TENT2: variants seen among roughly 807,000 people sequenced by gnomAD.
TENT2 encodes poly(A) RNA polymerase GLD2.
Under a neutral mutation model 72.2 loss-of-function variants are expected in TENT2, and 44 were observed. The ratio of observed to expected loss-of-function variants is 0.61; its 90% CI spans 0.48 to 0.78. The LOEUF is 0.78. TENT2 is among the 30% of genes least tolerant of loss of function. The pLI, the probability that TENT2 is intolerant of heterozygous loss-of-function variation, is 0.00. For missense variants in TENT2, 541 were observed against 569.6 expected (o/e 0.95, Z 0.51); for synonymous variants, 212 against 192.5 (o/e 1.10, Z -0.84).
At chr5:79,663,917 G>A (rs12659161) in intron 11 of TENT2, among the ~76,000 whole-genome samples, 66,594 of 151,864 alleles carry the variant, frequency 0.44, 17,756 homozygotes, top group African/African-American at 0.74. Context: ...TATATATACA[G>A]TGGGCGCTCT....
chr5:79,640,702 A>G (rs1370310007), intron 4 of TENT2, 149 bp from the exon 5 acceptor site: 1 of 494,358 alleles, frequency 2.0e-6, no homozygotes, highest in East Asian at 3.4e-5. Flanking sequence ...GTACTTGAGT[A>G]ATAGTAGCTT....
intron 1 of TENT2, chr5:79,615,158 CTCA>C (rs1758633282): frequency 6.6e-6 from 1 of 152,168 alleles, no homozygotes; most frequent in South Asian, 2.1e-4. Flanking sequence ...TGGCTGTGGA[CTCA>C]ATCTAAGTTT....
At chr5:79,670,077 G>A (rs918858477) in intron 12 of TENT2, among the ~76,000 whole-genome samples, 2 of 151,644 alleles carry the variant, frequency 1.3e-5, no homozygotes, top group Non-Finnish European at 2.9e-5. Flanking sequence ...AAATTAGCTG[G>A]GCATGGTGGT....
At chr5:79,626,575 G>A (rs1044786191) in intron 4 of TENT2, among the ~76,000 whole-genome samples, 6 of 151,458 alleles carry the variant, frequency 4.0e-5, no homozygotes, top group Non-Finnish European at 7.4e-5. Context: ...CCAAAGTGCT[G>A]GAATTACAGG....
chr5:79,665,123 A>G (rs979416061), intron 11 of TENT2, among the ~76,000 whole-genome samples: 6 of 152,188 alleles, frequency 3.9e-5, no homozygotes, highest in African/African-American at 1.4e-4. Flanking sequence ...CTTTGCAGAA[A>G]CTTCAAGGTA....
rs1798423669 is a variant in TENT2 at position 79,657,009 on chromosome 5, T to C, written c.1071+8T>C. Reference sequence around the variant, plus strand: ...CTCCAAAAAATTTACCCAGTAAGTGTTTCTTATAAATTATTATAATACATT... The same window carrying C: ...CTCCAAAAAATTTACCCAGTAAGTGCTTCTTATAAATTATTATAATACATT... On this transcript the variant is annotated splice_region_variant and intron_variant, in intron 11 of 14. Transcript: ENST00000453514. The C allele has an allele frequency of 1.9e-6, 3 of 1,555,708 alleles. No homozygotes were observed. The highest frequency in any genetic ancestry group is 1.8e-6 in the Non-Finnish European group (2 of 1,129,046).
At chr5:79,671,202 A>G (rs1177567382) in intron 12 of TENT2, among the ~76,000 whole-genome samples, 1 of 152,172 alleles carries the variant, frequency 6.6e-6, no homozygotes, top group Non-Finnish European at 1.5e-5. Flanking sequence ...ATGCTTGGAA[A>G]GAGGTTTCAG....
At chr5:79,665,324 C>T (rs1806582519) in intron 11 of TENT2, among the ~76,000 whole-genome samples, 1 of 152,136 alleles carries the variant, frequency 6.6e-6, no homozygotes, top group Admixed American at 6.5e-5. Flanking sequence ...TTAAGCCTTT[C>T]ATCATTTAAA....
chr5:79,630,123 G>A (rs1439945921), intron 4 of TENT2, among the ~76,000 whole-genome samples: 1 of 151,884 alleles, frequency 6.6e-6, no homozygotes, highest in Non-Finnish European at 1.5e-5. Flanking sequence ...TGACAGAGCA[G>A]GACTCCGTCT....
At chr5:79,652,776 T>G (rs1303120203) in intron 10 of TENT2, among the ~76,000 whole-genome samples, 3 of 152,120 alleles carry the variant, frequency 2.0e-5, no homozygotes, top group Admixed American at 2.0e-4. Flanking sequence ...GATAATACTT[T>G]GTGTCATTAA....
Position 79,641,271 on chromosome 5 carries a change from A to AG in TENT2, c.672+78dup, listed in dbSNP as rs910813636. On this transcript the variant is annotated intron_variant, in intron 6 of 14. Transcript: ENST00000453514. ...AAGAAATTTTACATAAAAGTCATTG[A>AG]GGGAAAAAACTTGCTTTGTTGTGAT... 6.2e-5 allele frequency: 81 copies of AG among 1,314,710 alleles called. 1 individual carries two copies. The highest frequency in any genetic ancestry group is 7.6e-5 in the Non-Finnish European group (73 of 966,314). 81.4% of individuals were successfully genotyped at this position (1,314,710 alleles called of 1,614,324 possible).
Position 79,687,984 on chromosome 5 carries a change from T to C in TENT2, c.*2711T>C, listed in dbSNP as rs1240210144. On this transcript the variant is annotated 3_prime_UTR_variant, in exon 15 of 15. Transcript: ENST00000453514. ...GGGATTACTGATGGTGAAGTCTAGC[T>C]GGTGTTAAGAGAATAAATATTGCTG... is the stretch of plus-strand genomic sequence containing the variant. 7.0e-6 allele frequency among the ~76,000 whole-genome samples: 1 copy of C among 143,706 alleles called. No individual in the cohort carries two copies. Among genetic ancestry groups the C allele is most frequent in the Non-Finnish European group, 1.5e-5 (1 of 67,256 alleles). 94.3% of individuals were successfully genotyped at this position (143,706 alleles called of 152,430 possible).
intron 1 of TENT2, among the ~76,000 whole-genome samples, chr5:79,619,068 A>G (rs924863859): frequency 1.3e-5 from 2 of 152,106 alleles, no homozygotes; most frequent in Non-Finnish European, 2.9e-5. Context: ...TGCTTTGTAC[A>G]ATTTTTCCCT....
intron 9 of TENT2, 36 bp from the exon 10 acceptor site, chr5:79,649,026 G>T: frequency 5.6e-6 from 9 of 1,601,808 alleles, no homozygotes; most frequent in Non-Finnish European, 6.8e-6. Context: ...AAACTATAAC[G>T]TCTCTTACCA....
intron 10 of TENT2, among the ~76,000 whole-genome samples, chr5:79,652,350 C>T (rs1259995638): frequency 6.6e-6 from 1 of 151,776 alleles, no homozygotes; most frequent in Non-Finnish European, 1.5e-5. Flanking sequence ...TATTCTCATA[C>T]ATCATAATAC....
chr5:79,659,002 T>A (rs1799988985), intron 11 of TENT2, among the ~76,000 whole-genome samples: 1 of 152,190 alleles, frequency 6.6e-6, no homozygotes, highest in African/African-American at 2.4e-5. Flanking sequence ...TAAAAAATAC[T>A]AATAGCAAGA....
chr5:79,682,683 G>A lies in TENT2; in HGVS notation c.1380+622G>A, dbSNP rs143073871. ...TCCTTAGTGTATTGGGGAATTTATT[G>A]TGGCCTTAGAAGGAAGCTGATGTCT... On this transcript the variant is annotated intron_variant, in intron 14 of 14. Coordinates refer to ENST00000453514, the MANE Select transcript of TENT2 (RefSeq NM_001114394.3). Among the ~76,000 whole-genome samples, 231 of 152,194 alleles carry A rather than the reference G, an allele frequency of 1.5e-3. 2 individuals are homozygous for A. The highest frequency in any genetic ancestry group is 3.5e-3 in the East Asian group (18 of 5,176).
intron 3 of TENT2, among the ~76,000 whole-genome samples, chr5:79,621,545 T>C (rs1764797707): frequency 6.6e-6 from 1 of 151,436 alleles, no homozygotes; most frequent in Non-Finnish European, 1.5e-5. Flanking sequence ...GATCACGAGG[T>C]CAGGAGATCG....
At chr5:79,685,024 C>G (rs559623321) in intron 14 of TENT2, among the ~76,000 whole-genome samples, 175 bp from the exon 15 acceptor site, 17 of 152,274 alleles carry the variant, frequency 1.1e-4, no homozygotes, top group African/African-American at 3.4e-4. Flanking sequence ...CACCACTGCA[C>G]TCCAGCTTGG....
Sources: gnomAD v4.1 joint callset for allele counts (sites outside exome capture counted in the v4.1 genomes callset) on GRCh38, gnomAD v4.1.1 for gene constraint, MANE v1.5 for transcripts, NCBI Gene and HGNC (gene_info 2026-07-23, HGNC 2026-07-21) for gene names.